NUP210L: variants seen among roughly 807,000 people sequenced by gnomAD.
The protein encoded by NUP210L is nucleoporin 210 like.
NUP210L carries 74 observed loss-of-function variants against 208.5 expected under a neutral mutation model. That is an observed-to-expected ratio of 0.35 (90% CI 0.29 to 0.43). NUP210L has a LOEUF of 0.43. NUP210L is among the 20% of genes least tolerant of loss of function. The probability of loss-of-function intolerance (pLI) is 1.00; values close to 1 mark genes in which losing one functional copy is unlikely to be tolerated. For missense variants in NUP210L, 1,843 were observed against 2,289.4 expected (o/e 0.81, Z 3.98); for synonymous variants, 780 against 816.9 (o/e 0.95, Z 0.77).
intron 9 of NUP210L, among the ~76,000 whole-genome samples, chr1:154,126,885 C>G (rs1658006729): frequency 6.6e-6 from 1 of 151,974 alleles, no homozygotes; most frequent in Admixed American, 6.6e-5. Flanking sequence ...AAAGTGTTAT[C>G]ACTGGTACTC....
At chr1:154,152,694 C>G in intron 2 of NUP210L, 42 bp downstream of exon 2, 1 of 1,570,984 alleles carries the variant, frequency 6.4e-7, no homozygotes, top group East Asian at 2.2e-5. Flanking sequence ...GATTATTCTA[C>G]CCCAGAAGAA....
intron 16 of NUP210L, among the ~76,000 whole-genome samples, chr1:154,083,120 C>G (rs936938502): frequency 1.3e-5 from 2 of 152,134 alleles, no homozygotes; most frequent in Non-Finnish European, 2.9e-5. Context: ...AGAAAAGCAA[C>G]CGAGCAGGTT....
At chr1:154,140,476 G>A (rs867895820) in intron 4 of NUP210L, among the ~76,000 whole-genome samples, 1 of 151,214 alleles carries the variant, frequency 6.6e-6, no homozygotes, top group Non-Finnish European at 1.5e-5. Context: ...AGACCACCCT[G>A]GCCAATATGG....
chr1:154,054,190 T>C (rs2147984683), intron 25 of NUP210L, 38 bp downstream of exon 25: 6 of 1,606,842 alleles, frequency 3.7e-6, no homozygotes, highest in Non-Finnish European at 5.1e-6. Flanking sequence ...GGTTCCTCAA[T>C]AGAAGAATAG....
chr1:153,993,371 C>T lies in NUP210L; in HGVS notation c.5492-282G>A, dbSNP rs530851954. On this transcript the variant is annotated intron_variant, in intron 38 of 39. Coordinates refer to ENST00000368559, the Ensembl canonical transcript of NUP210L. ...CACGAGGTCAGGAGATTGAGACCATCCTGGCTAACACAGTGAAACCCCGTC... is the reference window on the plus strand; with the variant it reads ...CACGAGGTCAGGAGATTGAGACCATTCTGGCTAACACAGTGAAACCCCGTC... 4.0e-5 allele frequency among the ~76,000 whole-genome samples: 6 copies of T among 150,910 alleles called. No homozygotes were observed. The East Asian group carries it at 1.2e-3, about 30-fold the overall frequency.
At position 153,994,741 on chromosome 1, in the gene NUP210L, C is replaced by T. The variant is rs1377443481; in HGVS notation, c.5491+335G>A. Reference sequence around the variant, plus strand: ...GAAATAAGGCAGTTTCATCTGGGCGCGGTGGCTCACGCCTGTAATCCCAGC... The same window carrying T: ...GAAATAAGGCAGTTTCATCTGGGCGTGGTGGCTCACGCCTGTAATCCCAGC... On this transcript the variant is annotated intron_variant, in intron 38 of 39. Transcript: ENST00000368559. Among the ~76,000 whole-genome samples, 4 of 151,354 alleles carry T rather than the reference C, an allele frequency of 2.6e-5. No individual in the cohort carries two copies. The East Asian group carries it at 5.9e-4, about 22-fold the overall frequency.
chr1:154,065,986 C>T (rs1654395816), intron 17 of NUP210L, among the ~76,000 whole-genome samples: 1 of 149,864 alleles, frequency 6.7e-6, no homozygotes. Context: ...AATCGCACAA[C>T]TACATGATGG....
chr1:154,027,180 G>A (rs532120293), intron 29 of NUP210L, among the ~76,000 whole-genome samples: 7 of 151,118 alleles, frequency 4.6e-5, no homozygotes, highest in Non-Finnish European at 7.4e-5. Context: ...AGCTAATACC[G>A]TACACAGAAA....
At chr1:154,041,929 C>CA (rs1557935084) in intron 27 of NUP210L, among the ~76,000 whole-genome samples, 1 of 152,052 alleles carries the variant, frequency 6.6e-6, no homozygotes, top group African/African-American at 2.4e-5. Flanking sequence ...CCTACACACA[C>CA]AAAAAAATCC....
At chr1:154,040,438 G>T (rs994260376) in intron 27 of NUP210L, among the ~76,000 whole-genome samples, 4 of 151,302 alleles carry the variant, frequency 2.6e-5, no homozygotes, top group Non-Finnish European at 4.4e-5. Context: ...AGAAGGAGGA[G>T]GAGCAGAAGA....
In NUP210L at chr1:154,021,378, T is replaced by C. The variant is rs374680626; in HGVS notation, c.4516+748A>G. Among the ~76,000 whole-genome samples the C allele has an allele frequency of 1.9e-4, 29 of 152,184 alleles. No individual in the cohort carries two copies. In the East Asian group the frequency reaches 5.0e-3, roughly 26 times the overall value. On this transcript the variant is annotated intron_variant, in intron 32 of 39. Coordinates refer to ENST00000368559, the Ensembl canonical transcript of NUP210L. ...GTTGTGTGCCTGTAGTCCCAGCTAC[T>C]TGGGAGGCTAAGGCAGGAGACTCGC...
rs906917570 is a variant in NUP210L, at chr1:154,036,012, C to T, written c.3697-5958G>A. 1.1e-4 allele frequency among the ~76,000 whole-genome samples: 16 copies of T among 150,646 alleles called. 1 individual carries two copies. Among genetic ancestry groups the T allele is most frequent in the South Asian group, 6.3e-4 (3 of 4,762 alleles). ...CCTCCCAAAGTGCTGGGATTACAGG[C>T]GTGAGCCACCGCGCCTGGCCTATGA... is the stretch of plus-strand genomic sequence containing the variant. On this transcript the variant is annotated intron_variant, in intron 27 of 39. Transcript: ENST00000368559.
chr1:154,054,204 C>A (rs1464489582), intron 25 of NUP210L, 24 bp downstream of exon 25: 1 of 1,611,936 alleles, frequency 6.2e-7, no homozygotes, highest in Non-Finnish European at 8.5e-7. Flanking sequence ...AGAATAGAAG[C>A]AGAGCAGAGC....
At chr1:154,140,021 G>T in intron 4 of NUP210L, 69 bp from the exon 5 acceptor site, 1 of 1,213,644 alleles carries the variant, frequency 8.2e-7, no homozygotes, top group South Asian at 1.4e-5. Context: ...GTCCCTAAGA[G>T]ACTTTAAACA....
intron 7 of NUP210L, 43 bp from the exon 8 acceptor site, chr1:154,129,388 G>A: frequency 8.4e-7 from 1 of 1,190,960 alleles, no homozygotes; most frequent in Non-Finnish European, 1.2e-6. Context: ...AGAGTTGGGT[G>A]AAAAGGTGAG....
At chr1:154,057,252 G>T (rs1653917625) in intron 22 of NUP210L, among the ~76,000 whole-genome samples, 1 of 152,080 alleles carries the variant, frequency 6.6e-6, no homozygotes, top group African/African-American at 2.4e-5. Flanking sequence ...TGCTGGGATT[G>T]CAGCATGAGT....
At chr1:153,997,814 C>T (rs1173318781) in intron 37 of NUP210L, among the ~76,000 whole-genome samples, 3 of 151,290 alleles carry the variant, frequency 2.0e-5, no homozygotes, top group African/African-American at 7.3e-5. Context: ...CTCAGCCTCC[C>T]GAGTAGCTGG....
intron 33 of NUP210L, among the ~76,000 whole-genome samples, chr1:154,017,705 C>CG (rs1462325946): frequency 6.6e-6 from 1 of 150,970 alleles, no homozygotes; most frequent in Non-Finnish European, 1.5e-5. Flanking sequence ...TTAGTAGAGA[C>CG]GGGGTTTCAC....
chr1:153,999,352 T>C (rs1236097250), intron 37 of NUP210L, among the ~76,000 whole-genome samples: 1 of 152,180 alleles, frequency 6.6e-6, no homozygotes, highest in Non-Finnish European at 1.5e-5. Context: ...GGAATCAGGA[T>C]TTGGGAAAGC....
Sources: allele counts gnomAD v4.1 joint callset (sites outside exome capture counted in the v4.1 genomes callset), GRCh38; gene constraint gnomAD v4.1.1; transcripts MANE v1.5; gene names NCBI Gene and HGNC (gene_info 2026-07-23, HGNC 2026-07-21).